Variants in SPATS2 observed in about 807,000 individuals in gnomAD.
The protein encoded by SPATS2 is spermatogenesis associated serine rich 2.
In SPATS2, 38 loss-of-function variants were observed where a neutral mutation model predicts 63.7. The observed-to-expected ratio is 0.60, with a 90% CI of 0.46 to 0.78. SPATS2 has a LOEUF of 0.78. Ranked by LOEUF, SPATS2 falls within the 30% of genes least tolerant of loss-of-function variation. SPATS2 has a pLI of 0.00. For synonymous variants in SPATS2, 207 were observed against 232.9 expected, an observed-to-expected ratio of 0.89 and a Z score of 1.01; for missense variants, 588 against 666.2, an observed-to-expected ratio of 0.88 and a Z score of 1.29.
chr12:49,379,424 G>C (rs1944169226), intron 2 of SPATS2, among the ~76,000 whole-genome samples: 1 of 148,134 alleles, frequency 6.8e-6, no homozygotes, highest in African/African-American at 2.5e-5. Context: ...GGTAGCGGGT[G>C]CCTGTAGTCC....
intron 3 of SPATS2, among the ~76,000 whole-genome samples, chr12:49,466,335 G>C (rs1945915022): frequency 6.6e-6 from 1 of 151,856 alleles, no homozygotes; most frequent in African/African-American, 2.4e-5. Flanking sequence ...GCTAATTTTT[G>C]TATTTTTAGT....
intron 6 of SPATS2, among the ~76,000 whole-genome samples, chr12:49,493,896 A>G (rs1205767008): frequency 6.6e-6 from 1 of 152,164 alleles, no homozygotes; most frequent in African/African-American, 2.4e-5. Flanking sequence ...CCATGTCTCA[A>G]TATATAAAGA....
chr12:49,428,082 C>T (rs1233574286), intron 2 of SPATS2, among the ~76,000 whole-genome samples: 11 of 151,946 alleles, frequency 7.2e-5, no homozygotes, highest in Admixed American at 7.2e-4. Context: ...GGTGAAACCC[C>T]GTCTCTACTA....
intron 3 of SPATS2, among the ~76,000 whole-genome samples, chr12:49,463,926 G>T (rs1190949088): frequency 6.6e-6 from 1 of 152,146 alleles, no homozygotes; most frequent in Non-Finnish European, 1.5e-5. Context: ...TAAAACTATT[G>T]ATTACTCCAA....
intron 2 of SPATS2, among the ~76,000 whole-genome samples, chr12:49,434,489 C>T (rs1365916938): frequency 1.3e-5 from 2 of 152,148 alleles, no homozygotes; most frequent in African/African-American, 2.4e-5. Context: ...CTTTTTGTCT[C>T]TCTTGCTCAT....
intron 2 of SPATS2, among the ~76,000 whole-genome samples, chr12:49,413,031 G>A (rs1944824904): frequency 6.6e-6 from 1 of 151,904 alleles, no homozygotes. Context: ...TGAACTTCCC[G>A]AGTCTCAGGC....
chr12:49,389,442 T>C (rs1418272119), intron 2 of SPATS2: 3 of 646,320 alleles, frequency 4.6e-6, no homozygotes, highest in African/African-American at 1.8e-5. Flanking sequence ...TAGGTCCCGG[T>C]TGGTAGAGGC....
intron 2 of SPATS2, among the ~76,000 whole-genome samples, chr12:49,430,330 G>GA (rs1945163797): frequency 6.6e-6 from 1 of 151,680 alleles, no homozygotes; most frequent in African/African-American, 2.4e-5. Flanking sequence ...TCGAACCCCT[G>GA]ACCTGAAATG....
chr12:49,496,835 T>C lies in SPATS2; in HGVS notation c.529T>C (p.Ser177Pro). 6.2e-7 allele frequency: 1 copy of C among 1,614,070 alleles called. No homozygotes were observed. Among genetic ancestry groups the C allele is most frequent in the Non-Finnish European group, 8.5e-7 (1 of 1,179,964 alleles). Residue 177 changes from serine to proline, a missense_variant and splice_region_variant, in exon 8 of 14, where the codon TCC becomes CCC. By Grantham distance (74) the Ser-to-Pro change is moderately conservative. Transcript: ENST00000552918. ...GTACAGTCCTCTTTCTTGGACAGGA[T>C]CCATGCTGCAGAATGGTGTCTCTGA... ...AMLDTLDRTG[S>P]MLQNGVSDFE...
chr12:49,506,291 A>G (rs945539021), intron 9 of SPATS2, among the ~76,000 whole-genome samples: 2 of 150,768 alleles, frequency 1.3e-5, no homozygotes, highest in Admixed American at 1.3e-4. Flanking sequence ...TAATAAAGAC[A>G]TACTCAAGAC....
chr12:49,404,804 G>A (rs1565705520), intron 2 of SPATS2, among the ~76,000 whole-genome samples: 1 of 152,196 alleles, frequency 6.6e-6, no homozygotes, highest in African/African-American at 2.4e-5. Flanking sequence ...TACTGTTCAC[G>A]GACAGGTCAG....
Position 49,494,963 on chromosome 12 carries a change from G to A in SPATS2, c.487G>A (p.Asp163Asn), listed in dbSNP as rs769659368. 1.2e-6 allele frequency: 2 copies of A among 1,613,378 alleles called. No individual in the cohort carries two copies. Among genetic ancestry groups the A allele is most frequent in the East Asian group, 4.5e-5 (2 of 44,870 alleles). Residue 163 changes from aspartate (D) to asparagine (N), a missense_variant, in exon 7 of 14, where the codon GAT becomes AAT. Physicochemically the swap from Asp to Asn is conservative, Grantham distance 23. Transcript: ENST00000552918. ...TTCAATAGATGCCAGAGAATTGGAG[G>A]ATCCCGAGTCTGCCATGCTAGATAC... ...TLSIDARELEDPESAMLDTLD... is the reference protein window; with the variant it reads ...TLSIDARELENPESAMLDTLD...
chr12:49,524,420 T>C (rs1482422795), intron 12 of SPATS2, among the ~76,000 whole-genome samples: 1 of 152,162 alleles, frequency 6.6e-6, no homozygotes, highest in African/African-American at 2.4e-5. Flanking sequence ...AAGAAGTCAT[T>C]AGTTGGTGGG....
At chr12:49,489,976 G>C (rs906726475) in intron 5 of SPATS2, 1 of 155,238 alleles carries the variant, frequency 6.4e-6, no homozygotes, top group African/African-American at 2.4e-5. Flanking sequence ...TCGTTAGTTT[G>C]GCTGTGGCAA....
At chr12:49,454,435 G>C (rs146195206) in intron 2 of SPATS2, 1 of 152,332 alleles carries the variant, frequency 6.6e-6, no homozygotes, top group African/African-American at 2.4e-5. Flanking sequence ...ACTAATGTGG[G>C]CTATCTAAGA....
chr12:49,420,583 AAAAAAT>A (rs1157665734), intron 2 of SPATS2, among the ~76,000 whole-genome samples: 6 of 152,224 alleles, frequency 3.9e-5, no homozygotes, highest in Non-Finnish European at 5.9e-5. Flanking sequence ...ACCCCATCTC[AAAAAAT>A]AAAAATAAAA....
At chr12:49,401,584 A>G (rs1041381972) in intron 2 of SPATS2, among the ~76,000 whole-genome samples, 20 of 152,246 alleles carry the variant, frequency 1.3e-4, no homozygotes, top group Non-Finnish European at 2.9e-4. Context: ...TCTCTAAAAG[A>G]TATGAACTCT....
At chr12:49,424,840 C>T (rs1411844280) in intron 2 of SPATS2, among the ~76,000 whole-genome samples, 2 of 152,158 alleles carry the variant, frequency 1.3e-5, no homozygotes, top group East Asian at 3.9e-4. Context: ...CCACCACGCC[C>T]AGCTAATTTT....
At chr12:49,517,522 TGA>T (rs766897226) in intron 10 of SPATS2, among the ~76,000 whole-genome samples, 58 of 152,326 alleles carry the variant, frequency 3.8e-4, no homozygotes, top group Non-Finnish European at 7.2e-4. Context: ...TAAATAAATG[TGA>T]GTGTCCTTTT....
Sources: gnomAD v4.1 joint callset for allele counts (sites outside exome capture counted in the v4.1 genomes callset) on GRCh38, gnomAD v4.1.1 for gene constraint, MANE v1.5 for transcripts, NCBI Gene and HGNC (gene_info 2026-07-23, HGNC 2026-07-21) for gene names.